Variants in GRHL1 observed in about 807,000 individuals in gnomAD.
GRHL1 encodes grainyhead like transcription factor 1.
GRHL1 carries 38 observed loss-of-function variants against 75.7 expected under a neutral mutation model. The observed-to-expected ratio is 0.50, with a 90% CI of 0.39 to 0.66. GRHL1 has a LOEUF of 0.66. Ranked by LOEUF, GRHL1 falls within the 30% of genes least tolerant of loss-of-function variation. The pLI, the probability that GRHL1 is intolerant of heterozygous loss-of-function variation, is 0.00. For missense variants in GRHL1, 589 were observed against 767.5 expected (o/e 0.77, Z 2.75); for synonymous variants, 266 against 279.4 (o/e 0.95, Z 0.48).
intron 14 of GRHL1, among the ~76,000 whole-genome samples, chr2:9,998,633 T>TATAC (rs1553307048): frequency 1.5e-5 from 1 of 65,176 alleles, no homozygotes; most frequent in African/African-American, 9.3e-5. Context: ...CACATATACA[T>TATAC]ATATATGTAC....
At chr2:9,953,648 CT>C (rs1558286614) in intron 1 of GRHL1, among the ~76,000 whole-genome samples, 1 of 151,686 alleles carries the variant, frequency 6.6e-6, no homozygotes, top group East Asian at 1.9e-4. Context: ...TTTTTTTCCC[CT>C]TTTTTGAAGA....
In GRHL1 at chr2:9,961,795, T is replaced by G. The variant is rs112410023; in HGVS notation, c.669+359T>G. Among the ~76,000 whole-genome samples, 810 of 152,288 alleles carry G rather than the reference T, an allele frequency of 5.3e-3. 12 individuals carry two copies. Among genetic ancestry groups the G allele is most frequent in the African/African-American group, 0.019 (786 of 41,542 alleles). ...CAGTGCCAAACAAGCTCCCTGGAGC[T>G]CATATAAAATGAGTTATTATATCTT... On this transcript the variant is annotated intron_variant, in intron 4 of 15. Transcript: ENST00000324907.
chr2:9,964,576 G>C (rs1482071246), intron 7 of GRHL1: 3 of 419,622 alleles, frequency 7.1e-6, no homozygotes, highest in Non-Finnish European at 1.3e-5. Context: ...CAGGACACTA[G>C]GGCCAGAAGC....
chr2:9,975,620 G>A (rs2125225040), intron 8 of GRHL1, among the ~76,000 whole-genome samples: 1 of 152,134 alleles, frequency 6.6e-6, no homozygotes, highest in East Asian at 1.9e-4. Context: ...GCTCTTGCCG[G>A]TAATCCCAGC....
At position 9,962,487 on chromosome 2, in the gene GRHL1, G is replaced by T; in HGVS notation, c.702G>T (p.Met234Ile). ...VFFPSDLSLR[M>I]PGMNSEDYVF... ...TCCCCTCGGATCTCAGTCTGCGGAT[G>T]CCTGGCATGAATTCAGAGGACTATG... The change falls in exon 5 of 16, where the codon ATG becomes ATT. Residue 234 changes from methionine to isoleucine, a missense_variant. Transcript: ENST00000324907. 1 of 1,603,964 alleles carries T rather than the reference G, an allele frequency of 6.2e-7. No homozygotes were observed. Among genetic ancestry groups the T allele is most frequent in the Non-Finnish European group, 8.5e-7 (1 of 1,170,762 alleles).
At chr2:9,967,792 TG>T (rs1667551694) in intron 8 of GRHL1, among the ~76,000 whole-genome samples, 1 of 152,124 alleles carries the variant, frequency 6.6e-6, no homozygotes, top group Non-Finnish European at 1.5e-5. Flanking sequence ...CCTGTATAGT[TG>T]GTTTTTTTTT....
Position 9,955,082 on chromosome 2 carries a change from TGCTCTATGACTA to T in GRHL1, c.189_200del (p.Leu64_Tyr67del). The T allele has an allele frequency of 1.2e-6, 2 of 1,613,014 alleles. No homozygotes were observed. Among genetic ancestry groups the T allele is most frequent in the Non-Finnish European group, 1.7e-6 (2 of 1,179,140 alleles). ...GAAGACAGCGCCGCTGCGCTGGGCC[TGCTCTATGACTA>T]CTACAAGGTGGGTTTGCCTGCCTTT... On this transcript the variant is annotated inframe_deletion, in exon 2 of 16. Transcript: ENST00000324907.
Position 9,990,697 on chromosome 2 carries a change from G to A in GRHL1, c.1271G>A (p.Gly424Glu). 1 of 1,604,086 alleles carries A rather than the reference G, an allele frequency of 6.2e-7. No homozygotes were observed. The highest frequency in any genetic ancestry group is 1.7e-5 in the Admixed American group (1 of 59,658). Reference protein sequence around the residue: ...YCQIKVFCDKGAERKIRDEER... With the variant: ...YCQIKVFCDKEAERKIRDEER... ...ATCTTGTCTTCTCTTAACCTACAGG[G>A]AGCTGAGCGGAAAATCAGGGATGAA... Residue 424 changes from glycine to glutamate, a missense_variant and splice_region_variant, in exon 10 of 16, where the codon GGA becomes GAA. Physicochemically the swap from Gly to Glu is moderately conservative, Grantham distance 98 (BLOSUM62 -2). Around this residue, in one of 5 missense-constraint regions of GRHL1, gnomAD observed 2 missense variants for 16.7 expected, o/e 0.12. Coordinates refer to ENST00000324907, the MANE Select transcript of GRHL1 (RefSeq NM_198182.3). The surrounding 1 kb of genome is among the most constrained non-coding windows in gnomAD (Gnocchi z 4.2).
At chr2:9,973,698 A>G (rs113396042) in intron 8 of GRHL1, among the ~76,000 whole-genome samples, 2,636 of 152,342 alleles carry the variant, frequency 0.017, 30 homozygotes, top group Non-Finnish European at 0.025. Flanking sequence ...ACTGATTTAG[A>G]GAATTAAATT....
At chr2:9,956,475 C>A (rs1050395542) in intron 2 of GRHL1, among the ~76,000 whole-genome samples, 1 of 151,856 alleles carries the variant, frequency 6.6e-6, no homozygotes, top group African/African-American at 2.4e-5. Context: ...GAGCTGAGAT[C>A]ATGCCATATC....
chr2:9,988,685 T>C lies in GRHL1; in HGVS notation c.1270-2011T>C, dbSNP rs538482696. Among the ~76,000 whole-genome samples the C allele has an allele frequency of 6.6e-5, 10 of 152,272 alleles. No individual in the cohort carries two copies. The South Asian group carries it at 2.1e-3, about 32-fold the overall frequency. ...TTCCCATGCCATGGCCTGGGAACTC[T>C]GAAGGCAGCAGCCAGCATGGTTTGA... is the stretch of plus-strand genomic sequence containing the variant. On this transcript the variant is annotated intron_variant, in intron 9 of 15. Coordinates refer to ENST00000324907, the MANE Select transcript of GRHL1 (RefSeq NM_198182.3).
intron 3 of GRHL1, chr2:9,960,046 C>T (rs566180433): frequency 2.0e-5 from 3 of 152,320 alleles, no homozygotes; most frequent in South Asian, 4.1e-4. Flanking sequence ...CACTGGAAAT[C>T]ATCTTGTATT....
chr2:10,000,735 G>T lies in GRHL1; in HGVS notation c.*28G>T, dbSNP rs376900657. The T allele has an allele frequency of 2.1e-5, 26 of 1,229,774 alleles. No homozygotes were observed. The highest frequency in any genetic ancestry group is 3.1e-5 in the Non-Finnish European group (26 of 831,870). 76.2% of individuals were successfully genotyped at this position (1,229,774 alleles called of 1,614,324 possible). On this transcript the variant is annotated 3_prime_UTR_variant, in exon 16 of 16. Transcript: ENST00000324907. The stretch of plus-strand genomic sequence containing the variant: ...GCCTGCGGGCCACAGCTCCCCAGGA[G>T]TTCAGTGCAGGTGTTTCTAGATCTT...
chr2:9,999,438 C>T (rs925322091), intron 15 of GRHL1, among the ~76,000 whole-genome samples: 28 of 152,208 alleles, frequency 1.8e-4, no homozygotes, highest in African/African-American at 6.3e-4. Flanking sequence ...CTCCGTGTGT[C>T]GAGCCCGTTG....
intron 8 of GRHL1, among the ~76,000 whole-genome samples, chr2:9,977,085 C>T (rs1204861049): frequency 1.3e-5 from 2 of 152,116 alleles, no homozygotes; most frequent in African/African-American, 4.8e-5. Flanking sequence ...TTAGGGGGTC[C>T]TCTACTAGAG....
rs1285511121 is a variant in GRHL1 at position 9,992,825 on chromosome 2, G to A, written c.1462-382G>A. ...ATTTAGTTTCTAATGGGAAGCTGGA[G>A]GTGAGCAGGGGTTAGCACACTGTTT... On this transcript the variant is annotated intron_variant, in intron 11 of 15. Transcript: ENST00000324907. The surrounding 1 kb of genome is among the most constrained non-coding windows in gnomAD (Gnocchi z 4.6). Among the ~76,000 whole-genome samples, 1 of 152,244 alleles carries A rather than the reference G, an allele frequency of 6.6e-6. No individual in the cohort carries two copies. Among genetic ancestry groups the A allele is most frequent in the Non-Finnish European group, 1.5e-5 (1 of 68,046 alleles).
At chr2:9,960,590 C>T (rs753624566) in intron 3 of GRHL1, 22 of 158,910 alleles carry the variant, frequency 1.4e-4, no homozygotes, top group Non-Finnish European at 2.8e-4. Flanking sequence ...CTCATCTCAA[C>T]CTGATGAGAA....
Position 9,998,709 on chromosome 2 carries a change from TATA to T in GRHL1, c.1678-255_1678-253del, listed in dbSNP as rs1669075473. On this transcript the variant is annotated intron_variant, in intron 14 of 15. Coordinates refer to ENST00000324907, the MANE Select transcript of GRHL1 (RefSeq NM_198182.3). Reference sequence around the variant, plus strand: ...ATATATGTACACACATATATATACATATATATGTACACACATATATACGTATAT... The same window carrying T: ...ATATATGTACACACATATATATACATTATGTACACACATATATACGTATAT... Among the ~76,000 whole-genome samples the T allele has an allele frequency of 7.6e-5, 5 of 65,612 alleles. No homozygotes were observed. In the South Asian group the frequency reaches 2.0e-3, roughly 27 times the overall value. The allele number at this position is 65,612 out of a possible 152,430, so 43.0% of individuals were successfully genotyped here. A position where few individuals can be genotyped will look rare whatever the true frequency, so the allele number is the denominator to read the frequency against.
chr2:9,986,348 CTTTAATA>C (rs1206094631), intron 9 of GRHL1, 66 bp downstream of exon 9: 1 of 1,095,148 alleles, frequency 9.1e-7, no homozygotes, highest in African/African-American at 1.6e-5. Flanking sequence ...ACCAGGGTCT[CTTTAATA>C]TTTAATGTCA....
Sources: allele counts gnomAD v4.1 joint callset (sites outside exome capture counted in the v4.1 genomes callset), GRCh38; gene constraint gnomAD v4.1.1; regional missense constraint gnomAD v4.1.1; non-coding constraint Gnocchi (gnomAD v3.1); transcripts MANE v1.5; gene names NCBI Gene and HGNC (gene_info 2026-07-23, HGNC 2026-07-21).